The following GTF3C1 variants were observed in gnomAD, a reference collection of about 807,000 sequenced individuals.
GTF3C1 encodes general transcription factor 3C polypeptide 1.
Under a neutral mutation model 226.7 loss-of-function variants are expected in GTF3C1, and 57 were observed. The observed-to-expected ratio is 0.25, with a 90% CI of 0.20 to 0.31. The LOEUF (loss-of-function observed/expected upper bound fraction) is 0.31. Among genes scored for constraint, GTF3C1 ranks in the 10% least tolerant of loss-of-function variants. The probability of loss-of-function intolerance (pLI) is 1.00; values close to 1 mark genes in which losing one functional copy is unlikely to be tolerated. For synonymous variants in GTF3C1, 1,090 were observed against 1,084.8 expected (o/e 1.00, Z -0.09); for missense variants, 2,217 against 2,776.1 (o/e 0.80, Z 4.53).
At chr16:27,526,527 C>T (rs2088836610) in intron 6 of GTF3C1, among the ~76,000 whole-genome samples, 1 of 152,222 alleles carries the variant, frequency 6.6e-6, no homozygotes, top group East Asian at 1.9e-4. Flanking sequence ...TTGTTTCTAG[C>T]CCTATCCATA....
In GTF3C1 at chr16:27,502,707, TCCTCCCTACCGCAAA is replaced by T; in HGVS notation, c.1907+137_1907+151del. ...TAGATGGTAGGGAGGACCATCTAAA[TCCTCCCTACCGCAAA>T]GGAACGAGATGAGAATCTACACAGT... On this transcript the variant is annotated intron_variant, in intron 11 of 36. Coordinates refer to ENST00000356183, the MANE Select transcript of GTF3C1 (RefSeq NM_001520.4). 3 of 763,210 alleles carry T rather than the reference TCCTCCCTACCGCAAA, an allele frequency of 3.9e-6. No individual in the cohort carries two copies. The South Asian group carries it at 5.2e-5, about 13-fold the overall frequency. The allele number at this position is 763,210 out of a possible 1,614,324, so 47.3% of individuals were successfully genotyped here. A position where few individuals can be genotyped will look rare whatever the true frequency, so the allele number is the denominator to read the frequency against.
chr16:27,497,037 A>G (rs2088329679), intron 14 of GTF3C1, among the ~76,000 whole-genome samples: 1 of 152,200 alleles, frequency 6.6e-6, no homozygotes, highest in African/African-American at 2.4e-5. Context: ...CCCTGGGTCT[A>G]GTGTGTCCTG....
rs1401187838 is a variant in GTF3C1 at position 27,462,168 on chromosome 16, G to A, written c.6117+126C>T. 11 of 659,816 alleles carry A rather than the reference G, an allele frequency of 1.7e-5. No homozygotes were observed. The highest frequency in any genetic ancestry group is 3.6e-5 in the South Asian group (2 of 55,876). 40.9% of individuals were successfully genotyped at this position (659,816 alleles called of 1,614,324 possible). Reference sequence around the variant, plus strand: ...GAGAGGCAGGAGCCCAGGACAAGCTGGGGGAGGAGGTGCAGGCAAGCAGTA... The same window carrying A: ...GAGAGGCAGGAGCCCAGGACAAGCTAGGGGAGGAGGTGCAGGCAAGCAGTA... On this transcript the variant is annotated intron_variant, in intron 36 of 36. Transcript: ENST00000356183. This position sits in a 1 kb window ranked among gnomAD's most constrained non-coding sequence, Gnocchi z 4.5.
rs1431836378 is a variant in GTF3C1, at chr16:27,492,969, GA to G, written c.2876+229del. ...AGTAATGAAAGGGAAAAAAAATTCCGATACTTGCAGACACTAGCAGCAGATT... is the reference window on the plus strand; with the variant it reads ...AGTAATGAAAGGGAAAAAAAATTCCGTACTTGCAGACACTAGCAGCAGATT... On this transcript the variant is annotated intron_variant, in intron 17 of 36. Transcript: ENST00000356183. The surrounding 1 kb of genome is among the most constrained non-coding windows in gnomAD (Gnocchi z 5.0). Among the ~76,000 whole-genome samples the G allele has an allele frequency of 6.6e-6, 1 of 152,110 alleles. No individual in the cohort carries two copies. Among genetic ancestry groups the G allele is most frequent in the African/African-American group, 2.4e-5 (1 of 41,416 alleles).
At chr16:27,479,351 A>G (rs1335676255) in intron 27 of GTF3C1, among the ~76,000 whole-genome samples, 1 of 152,148 alleles carries the variant, frequency 6.6e-6, no homozygotes, top group East Asian at 1.9e-4. Flanking sequence ...ATATTATTTT[A>G]CTGTATGTAT....
intron 6 of GTF3C1, among the ~76,000 whole-genome samples, chr16:27,512,184 A>C (rs1322436370): frequency 6.6e-6 from 1 of 152,204 alleles, no homozygotes; most frequent in South Asian, 2.1e-4. Flanking sequence ...ATCAATAGTC[A>C]GTCACCTTCT....
chr16:27,520,366 C>T lies in GTF3C1; in HGVS notation c.973+8232G>A, dbSNP rs551615581. ...CTGACCTCAAATGATCCACCTGCCT[C>T]GACCTCCCAAAGTGCTGGGATTACA... On this transcript the variant is annotated intron_variant, in intron 6 of 36. Coordinates refer to ENST00000356183, the MANE Select transcript of GTF3C1 (RefSeq NM_001520.4). Among the ~76,000 whole-genome samples, 4 of 152,192 alleles carry T rather than the reference C, an allele frequency of 2.6e-5. No individual in the cohort carries two copies. In the South Asian group the frequency reaches 6.2e-4, roughly 24 times the overall value.
intron 29 of GTF3C1, among the ~76,000 whole-genome samples, chr16:27,473,136 C>T (rs1350460176): frequency 3.3e-5 from 5 of 152,210 alleles, no homozygotes; most frequent in African/African-American, 1.2e-4. Context: ...TCTCAAACTC[C>T]TGGCCTCATC....
At chr16:27,508,733 T>G (rs947885097) in intron 7 of GTF3C1, 78 bp from the exon 8 acceptor site, 9 of 983,108 alleles carry the variant, frequency 9.2e-6, no homozygotes, top group Non-Finnish European at 1.4e-5. Flanking sequence ...GCCCACTTTT[T>G]CAGCAGACAT....
rs1222904443 is a variant in GTF3C1 at position 27,492,915 on chromosome 16, G to A, written c.2877-202C>T. Among the ~76,000 whole-genome samples the A allele has an allele frequency of 6.6e-6, 1 of 151,950 alleles. No homozygotes were observed. Among genetic ancestry groups the A allele is most frequent in the Non-Finnish European group, 1.5e-5 (1 of 68,016 alleles). ...CAACCAGGGCCACAGAGATCAACCC[G>A]ACACTAGGGATTTGATTTGGAAAGT... On this transcript the variant is annotated intron_variant, in intron 17 of 36. Coordinates refer to ENST00000356183, the MANE Select transcript of GTF3C1 (RefSeq NM_001520.4). This position sits in a 1 kb window ranked among gnomAD's most constrained non-coding sequence, Gnocchi z 5.0.
Position 27,507,915 on chromosome 16 carries a change from A to C in GTF3C1, c.1242+625T>G, listed in dbSNP as rs184699734. ...TGGGGATGGTGGAACCCTGGAGAGCACTGCTTTGTCTGAAGCACGTGGACA... is the reference window on the plus strand; with the variant it reads ...TGGGGATGGTGGAACCCTGGAGAGCCCTGCTTTGTCTGAAGCACGTGGACA... On this transcript the variant is annotated intron_variant, in intron 8 of 36. Coordinates refer to ENST00000356183, the MANE Select transcript of GTF3C1 (RefSeq NM_001520.4). This position sits in a 1 kb window ranked among gnomAD's most constrained non-coding sequence, Gnocchi z 4.9. Among the ~76,000 whole-genome samples the C allele has an allele frequency of 6.6e-6, 1 of 152,382 alleles. No individual in the cohort carries two copies.
Position 27,471,959 on chromosome 16 carries a change from G to T in GTF3C1, c.4354-39C>A. ...CGGCGAGGGTGAGTAGGGTTCTCCA[G>T]CCGGCCACGGAGAGGGCTGGGGTAT... On this transcript the variant is annotated intron_variant, in intron 29 of 36. Transcript: ENST00000356183. The surrounding 1 kb of genome is among the most constrained non-coding windows in gnomAD (Gnocchi z 5.0). 2.5e-6 allele frequency: 4 copies of T among 1,594,602 alleles called. No individual in the cohort carries two copies. Among genetic ancestry groups the T allele is most frequent in the Non-Finnish European group, 3.4e-6 (4 of 1,163,240 alleles).
chr16:27,501,835 G>A (rs2088408949), intron 11 of GTF3C1, among the ~76,000 whole-genome samples: 1 of 152,212 alleles, frequency 6.6e-6, no homozygotes, highest in Non-Finnish European at 1.5e-5. Context: ...GGGCGTGGTG[G>A]CTCATGCCTA....
At chr16:27,519,915 T>C (rs1174321463) in intron 6 of GTF3C1, among the ~76,000 whole-genome samples, 1 of 152,110 alleles carries the variant, frequency 6.6e-6, no homozygotes, top group South Asian at 2.1e-4. Context: ...GCGACTGGCA[T>C]GGACAACAAG....
chr16:27,518,623 G>T (rs916625280), intron 6 of GTF3C1, among the ~76,000 whole-genome samples: 1 of 152,124 alleles, frequency 6.6e-6, no homozygotes, highest in Non-Finnish European at 1.5e-5. Flanking sequence ...CCTTTAATTC[G>T]ATTTGATTCC....
intron 6 of GTF3C1, among the ~76,000 whole-genome samples, chr16:27,525,511 T>C (rs1159600948): frequency 2.6e-5 from 4 of 152,258 alleles, no homozygotes; most frequent in Non-Finnish European, 1.5e-5. Flanking sequence ...ATCTGTGTGA[T>C]ACCATCTCCT....
At chr16:27,502,416 C>T (rs993692969) in intron 11 of GTF3C1, among the ~76,000 whole-genome samples, 1 of 152,202 alleles carries the variant, frequency 6.6e-6, no homozygotes, top group Non-Finnish European at 1.5e-5. Context: ...AACAGAGAAG[C>T]TCTACTTGTG....
At chr16:27,476,741 T>A (rs1476770621) in intron 28 of GTF3C1, among the ~76,000 whole-genome samples, 197 bp from the exon 29 acceptor site, 2 of 152,254 alleles carry the variant, frequency 1.3e-5, no homozygotes. Context: ...AAGTTTCTTT[T>A]AGTAGATAGG....
chr16:27,464,506 TG>T lies in GTF3C1; in HGVS notation c.5685del (p.Ser1896AlafsTer48). 6.6e-7 allele frequency: 1 copy of T among 1,525,146 alleles called. No homozygotes were observed. The highest frequency in any genetic ancestry group is 8.8e-7 in the Non-Finnish European group (1 of 1,138,948). 94.5% of individuals were successfully genotyped at this position (1,525,146 alleles called of 1,614,324 possible). ...CCATCTTCAGCTCCGGGCCCAAGGCTGGGGGCCAAATTTGAGTCCTGGAGCG... is the reference window on the plus strand; with the variant it reads ...CCATCTTCAGCTCCGGGCCCAAGGCTGGGGCCAAATTTGAGTCCTGGAGCG... ...RPALQDSNLAPSLGPGAEDGA... is the reference protein window; with the variant it reads ...RPALQDSNLAXSLGPGAEDGA... On this transcript the variant is annotated frameshift_variant, in exon 34 of 37. Transcript: ENST00000356183. LOFTEE classifies it high-confidence loss of function.
Sources: allele counts gnomAD v4.1 joint callset (sites outside exome capture counted in the v4.1 genomes callset), GRCh38; gene constraint gnomAD v4.1.1; non-coding constraint Gnocchi (gnomAD v3.1); transcripts MANE v1.5; gene names NCBI Gene and HGNC (gene_info 2026-07-23, HGNC 2026-07-21).